GRIN2B: variants seen among roughly 807,000 people sequenced by gnomAD.
The protein encoded by GRIN2B is glutamate ionotropic receptor NMDA type subunit 2B.
In GRIN2B, 5 loss-of-function variants were observed where a neutral mutation model predicts 114.5. The observed-to-expected ratio is 0.04, with a 90% CI of 0.02 to 0.09. The LOEUF is 0.09. Among genes scored for constraint, GRIN2B ranks in the 10% least tolerant of loss-of-function variants. The probability of loss-of-function intolerance (pLI) is 1.00; values close to 1 mark genes in which losing one functional copy is unlikely to be tolerated. For synonymous variants in GRIN2B, 787 were observed against 745.1 expected, an observed-to-expected ratio of 1.06 and a Z score of -0.92; for missense variants, 1,108 against 1,943.5, an observed-to-expected ratio of 0.57 and a Z score of 8.08.
intron 3 of GRIN2B, among the ~76,000 whole-genome samples, chr12:13,820,647 G>A (rs142691005): frequency 3.2e-4 from 49 of 152,214 alleles, no homozygotes; most frequent in Middle Eastern, 3.4e-3. Flanking sequence ...ACAATGCTTG[G>A]CCTACATTAG....
intron 2 of GRIN2B, among the ~76,000 whole-genome samples, chr12:13,968,275 C>T (rs951673127): frequency 1.4e-4 from 21 of 152,220 alleles, no homozygotes; most frequent in African/African-American, 5.1e-4. Context: ...CTATTTGGAG[C>T]AGGATGCAGT....
chr12:13,574,892 T>C (rs1340650690), intron 10 of GRIN2B, among the ~76,000 whole-genome samples: 10 of 152,214 alleles, frequency 6.6e-5, no homozygotes, highest in Admixed American at 4.6e-4. Context: ...AGTCAGATCA[T>C]TGGAACAGGA....
chr12:13,904,200 C>T (rs1325327114), intron 2 of GRIN2B, among the ~76,000 whole-genome samples: 2 of 151,726 alleles, frequency 1.3e-5, no homozygotes, highest in Non-Finnish European at 2.9e-5. Flanking sequence ...TTCCACACCT[C>T]CTCTGTTTCT....
At chr12:13,727,405 C>A (rs1030125662) in intron 4 of GRIN2B, among the ~76,000 whole-genome samples, 4 of 128,870 alleles carry the variant, frequency 3.1e-5, no homozygotes, top group African/African-American at 1.0e-4. Flanking sequence ...AAAGGATGTT[C>A]ATTTTATCAA....
In GRIN2B at chr12:13,826,482, A is replaced by G. The variant is rs141456615; in HGVS notation, c.411+39316T>C. On this transcript the variant is annotated intron_variant, in intron 3 of 13. Transcript: ENST00000609686. ...GAAACTTCATTTCAAAAAATAAATA[A>G]ATAATATTTTGCCACTAAATAGATA... is the stretch of plus-strand genomic sequence containing the variant. Among the ~76,000 whole-genome samples the G allele has an allele frequency of 6.6e-5, 10 of 152,260 alleles. No individual in the cohort carries two copies. In the East Asian group the frequency reaches 1.3e-3, roughly 21 times the overall value.
rs116274319 is a variant in GRIN2B, at chr12:13,964,832, G to A, written c.-19+15096C>T. On this transcript the variant is annotated intron_variant, in intron 2 of 13. Transcript: ENST00000609686. ...GTAAGCCAGGCTGTTTGTGACGGCA[G>A]CGGTGCAAAGCTGACTCGCAGAACA... Among the ~76,000 whole-genome samples the A allele has an allele frequency of 2.5e-3, 388 of 152,370 alleles. 1 individual carries two copies. The highest frequency in any genetic ancestry group is 9.0e-3 in the African/African-American group (374 of 41,582).
intron 3 of GRIN2B, among the ~76,000 whole-genome samples, chr12:13,817,878 G>GCAAAA (rs1864858914): frequency 6.6e-6 from 1 of 152,204 alleles, no homozygotes; most frequent in South Asian, 2.1e-4. Context: ...GGAAAGCAAA[G>GCAAAA]CTGGGATCAG....
chr12:13,917,646 G>T (rs548373885), intron 2 of GRIN2B, among the ~76,000 whole-genome samples: 1 of 143,110 alleles, frequency 7.0e-6, no homozygotes, highest in East Asian at 2.3e-4. Flanking sequence ...TGCTTAAGGA[G>T]ACCAAGTTTT....
chr12:13,623,650 A>C (rs1292578200), intron 5 of GRIN2B, among the ~76,000 whole-genome samples: 1 of 152,102 alleles, frequency 6.6e-6, no homozygotes, highest in Admixed American at 6.5e-5. Context: ...TTTCTTATCC[A>C]TTCATAGAGA....
chr12:13,939,412 G>A (rs1287893204), intron 2 of GRIN2B, among the ~76,000 whole-genome samples: 1 of 151,936 alleles, frequency 6.6e-6, no homozygotes. Flanking sequence ...GTTTAAAAGA[G>A]CATGGCATGC....
At chr12:13,726,175 C>T (rs1194835628) in intron 4 of GRIN2B, among the ~76,000 whole-genome samples, 6 of 151,962 alleles carry the variant, frequency 3.9e-5, no homozygotes, top group Non-Finnish European at 7.4e-5. Context: ...TCTCCACTTC[C>T]AGAAATATCA....
rs577458482 is a variant in GRIN2B, at chr12:13,555,362, T to A, written c.*7421A>T. On this transcript the variant is annotated 3_prime_UTR_variant, in exon 14 of 14. Coordinates refer to ENST00000609686, the MANE Select transcript of GRIN2B (RefSeq NM_000834.5). Reference sequence around the variant, plus strand: ...AGGGTGTAGCCCATTGATGAAGCCATGAGCATAAGGTGAGGAAGTGGAGAA... The same window carrying A: ...AGGGTGTAGCCCATTGATGAAGCCAAGAGCATAAGGTGAGGAAGTGGAGAA... 2.6e-5 allele frequency: 4 copies of A among 152,274 alleles called. No individual in the cohort carries two copies. Among genetic ancestry groups the A allele is most frequent in the East Asian group, 1.9e-4 (1 of 5,188 alleles). 9.4% of individuals were successfully genotyped at this position (152,274 alleles called of 1,614,324 possible). A position where few individuals can be genotyped will look rare whatever the true frequency, so the allele number is the denominator to read the frequency against.
chr12:13,824,717 G>A (rs933591712), intron 3 of GRIN2B, among the ~76,000 whole-genome samples: 2 of 152,054 alleles, frequency 1.3e-5, no homozygotes, highest in East Asian at 1.9e-4. Flanking sequence ...TTAGCCAGGT[G>A]TGGTGGCACA....
At chr12:13,618,925 C>A (rs1222290618) in intron 5 of GRIN2B, among the ~76,000 whole-genome samples, 1 of 151,228 alleles carries the variant, frequency 6.6e-6, no homozygotes, top group Non-Finnish European at 1.5e-5. Context: ...CTATTGTGAA[C>A]AATAAGGATA....
chr12:13,776,519 T>TA (rs1284291024), intron 3 of GRIN2B, among the ~76,000 whole-genome samples: 2 of 152,138 alleles, frequency 1.3e-5, no homozygotes, highest in Non-Finnish European at 2.9e-5. Flanking sequence ...TCTTTGCACT[T>TA]AAAGAGTCAG....
intron 10 of GRIN2B, among the ~76,000 whole-genome samples, chr12:13,596,699 A>G (rs1949077935): frequency 6.6e-6 from 1 of 152,246 alleles, no homozygotes; most frequent in South Asian, 2.1e-4. Context: ...AACTCTCATT[A>G]TATAAGTGGT....
intron 4 of GRIN2B, among the ~76,000 whole-genome samples, chr12:13,678,681 C>T (rs34245298): frequency 0.024 from 3,610 of 152,160 alleles, 123 homozygotes; most frequent in African/African-American, 0.074. Context: ...CAGCCCAGAG[C>T]GGCTCACCCA....
chr12:13,636,080 G>A (rs921227339), intron 5 of GRIN2B, among the ~76,000 whole-genome samples: 25 of 151,124 alleles, frequency 1.7e-4, no homozygotes, highest in Non-Finnish European at 3.3e-4. Context: ...AGTTAGACAG[G>A]ATGTTCAGAA....
intron 2 of GRIN2B, among the ~76,000 whole-genome samples, chr12:13,922,368 G>A (rs1265255196): frequency 1.3e-5 from 2 of 152,150 alleles, no homozygotes; most frequent in African/African-American, 4.8e-5. Context: ...ACTAGCTCAT[G>A]TTTTGGCCAC....
Sources: allele counts gnomAD v4.1 joint callset (sites outside exome capture counted in the v4.1 genomes callset), GRCh38; gene constraint gnomAD v4.1.1; transcripts MANE v1.5; gene names NCBI Gene and HGNC (gene_info 2026-07-23, HGNC 2026-07-21).